The following GOLGA3 variants were observed in gnomAD, a reference collection of about 807,000 sequenced individuals.
GOLGA3 encodes golgin subfamily A member 3.
GOLGA3 carries 75 observed loss-of-function variants against 169.4 expected under a neutral mutation model. That is an observed-to-expected ratio of 0.44 (90% CI 0.37 to 0.54). The LOEUF is 0.54. GOLGA3 is among the 20% of genes least tolerant of loss of function. GOLGA3 has a pLI of 0.00. For missense variants in GOLGA3, 1,899 were observed against 1,930.0 expected (o/e 0.98, Z 0.30); for synonymous variants, 824 against 822.4 (o/e 1.00, Z -0.03).
At chr12:132,786,663 C>T (rs565522313) in intron 14 of GOLGA3, 30 bp downstream of exon 14, 9 of 1,532,862 alleles carry the variant, frequency 5.9e-6, no homozygotes, top group East Asian at 2.3e-5. Context: ...ACCTGGCCCC[C>T]GCACCTCCCC....
chr12:132,788,963 C>CACACAGGCCCCAA, intron 13 of GOLGA3, 64 bp downstream of exon 13: 1 of 1,461,166 alleles, frequency 6.8e-7, no homozygotes, highest in Non-Finnish European at 9.2e-7. Context: ...ACAGGCCCCA[C>CACACAGGCCCCAA]CCTCCCGACA....
chr12:132,818,123 C>T (rs1388181759), intron 2 of GOLGA3, among the ~76,000 whole-genome samples: 5 of 148,644 alleles, frequency 3.4e-5, no homozygotes, highest in Non-Finnish European at 7.5e-5. Flanking sequence ...CTCCTCCATG[C>T]TCTAAGGTGA....
intron 9 of GOLGA3, 68 bp from the exon 10 acceptor site, chr12:132,796,768 G>A (rs1032410522): frequency 2.9e-5 from 43 of 1,475,174 alleles, no homozygotes; most frequent in South Asian, 1.1e-4. Context: ...CGGTGGCCCC[G>A]TGCTCTGCAG....
At chr12:132,812,635 G>A (rs1178661075) in intron 4 of GOLGA3, among the ~76,000 whole-genome samples, 1 of 152,216 alleles carries the variant, frequency 6.6e-6, no homozygotes, top group Non-Finnish European at 1.5e-5. Flanking sequence ...TGCAGATGTG[G>A]TGGAAACAGC....
At chr12:132,786,647 CCTCCCACCTGGCCCCCGCA>C in intron 14 of GOLGA3, 27 bp downstream of exon 14, 1 of 1,390,188 alleles carries the variant, frequency 7.2e-7, no homozygotes, top group Non-Finnish European at 1.0e-6. Context: ...GGCCCCCGCA[CCTCCCACCTGGCCCCCGCA>C]CCTCCCCCGG....
chr12:132,781,712 GCC>G (rs2045616817), intron 17 of GOLGA3, among the ~76,000 whole-genome samples: 1 of 152,110 alleles, frequency 6.6e-6, no homozygotes, highest in South Asian at 2.1e-4. Flanking sequence ...GCTCGATTTG[GCC>G]CCCAGGATTT....
At chr12:132,811,173 T>C (rs1318584601) in intron 4 of GOLGA3, among the ~76,000 whole-genome samples, 1 of 152,138 alleles carries the variant, frequency 6.6e-6, no homozygotes, top group African/African-American at 2.4e-5. Flanking sequence ...TCGGGGCCAC[T>C]ACCTGTCTCC....
At position 132,772,561 on chromosome 12, in the gene GOLGA3, A is replaced by AAAAC. The variant is rs1555247716; in HGVS notation, c.*543_*544insGTTT. On this transcript the variant is annotated 3_prime_UTR_variant, in exon 24 of 24. Coordinates refer to ENST00000450791, the MANE Select transcript of GOLGA3 (RefSeq NM_001389683.1). The stretch of plus-strand genomic sequence containing the variant: ...TCTGTCTCAAAAAAAAAAAAAAAAA[A>AAAAC]AAAACAAAGATTGGATTATGATATT... The AAAAC allele has an allele frequency of 6.6e-5, 10 of 152,124 alleles. No homozygotes were observed. The highest frequency in any genetic ancestry group is 3.3e-4 in the Admixed American group (5 of 15,244). The allele number at this position is 152,124 out of a possible 1,614,324, so 9.4% of individuals were successfully genotyped here. A position where few individuals can be genotyped will look rare whatever the true frequency, so the allele number is the denominator to read the frequency against.
At chr12:132,819,699 G>A (rs1306719470) in intron 2 of GOLGA3, among the ~76,000 whole-genome samples, 4 of 152,086 alleles carry the variant, frequency 2.6e-5, no homozygotes, top group East Asian at 3.9e-4. Flanking sequence ...CAAAGGACCC[G>A]TGAGCTCCAC....
rs1342452592 is a variant in GOLGA3, at chr12:132,807,284, A to G, written c.1183T>C (p.Ser395Pro). The change falls in exon 6 of 24, where the codon TCC (serine) becomes CCC (proline). Residue 395 changes from serine (S) to proline (P), a missense_variant. Physicochemically the swap from Ser to Pro is moderately conservative, Grantham distance 74. Coordinates refer to ENST00000450791, the MANE Select transcript of GOLGA3 (RefSeq NM_001389683.1). ...SRRDSICSSV[S>P]LESSAAETQE... ...GTTTCTGCTGCAGAGCTCTCCAAGG[A>G]CACGCTGGGGACAAAGGCACGGGTC... The G allele has an allele frequency of 4.5e-6, 7 of 1,553,510 alleles. No homozygotes were observed. Among genetic ancestry groups the G allele is most frequent in the Non-Finnish European group, 6.1e-6 (7 of 1,144,210 alleles).
At chr12:132,774,640 G>A (rs1213863387) in intron 22 of GOLGA3, 4 of 423,222 alleles carry the variant, frequency 9.5e-6, no homozygotes, top group Non-Finnish European at 1.3e-5. Context: ...TCAAGACCTT[G>A]ATGTGGAATT....
At chr12:132,773,730 A>G (rs1254356520) in intron 23 of GOLGA3, among the ~76,000 whole-genome samples, 1 of 151,086 alleles carries the variant, frequency 6.6e-6, no homozygotes, top group Non-Finnish European at 1.5e-5. Context: ...CCCCACCTTT[A>G]TATAAACCTC....
Position 132,769,611 on chromosome 12 carries a change from CGTT to C in GOLGA3, c.*3491_*3493del, listed in dbSNP as rs2136214581. On this transcript the variant is annotated 3_prime_UTR_variant, in exon 24 of 24. Transcript: ENST00000450791. ...GGAAAAACACATGAAAACCAAGTTACGTTGTTTTTGGAACATCAGAAAAACAAG... is the reference window on the plus strand; with the variant it reads ...GGAAAAACACATGAAAACCAAGTTACGTTTTTGGAACATCAGAAAAACAAG... The C allele has an allele frequency of 6.6e-6, 1 of 152,332 alleles. No homozygotes were observed. The highest frequency in any genetic ancestry group is 1.9e-4 in the East Asian group (1 of 5,184). The allele number at this position is 152,332 out of a possible 1,614,324, so 9.4% of individuals were successfully genotyped here.
At chr12:132,795,151 C>T (rs972154819) in intron 11 of GOLGA3, among the ~76,000 whole-genome samples, 10 of 148,618 alleles carry the variant, frequency 6.7e-5, no homozygotes, top group African/African-American at 2.5e-4. Flanking sequence ...CACCGCACTA[C>T]ACTCCAGCCT....
rs1949522339 is a variant in GOLGA3, at chr12:132,808,267, A to G, written c.802T>C (p.Ser268Pro). The change falls in exon 5 of 24, where the codon TCT becomes CCT. Residue 268 changes from serine to proline, a missense_variant. Ser to Pro is a moderately conservative substitution (Grantham distance 74). Coordinates refer to ENST00000450791, the MANE Select transcript of GOLGA3 (RefSeq NM_001389683.1). ...NSGGNVPAPD[S>P]TKGSLKQNRS... ...TTCTGCTTCAGGGAACCCTTGGTAG[A>G]ATCGGGAGCCGGGACATTTCCCCCA... is the stretch of plus-strand genomic sequence containing the variant. 1 of 1,613,978 alleles carries G rather than the reference A, an allele frequency of 6.2e-7. No homozygotes were observed. Among genetic ancestry groups the G allele is most frequent in the South Asian group, 1.1e-5 (1 of 91,082 alleles).
chr12:132,796,467 CCTT>C (rs1566102956), intron 10 of GOLGA3, 69 bp downstream of exon 10: 14 of 1,498,874 alleles, frequency 9.3e-6, no homozygotes, highest in Non-Finnish European at 1.3e-5. Flanking sequence ...TGCTCGGTCT[CCTT>C]GTGTGCAGTC....
intron 14 of GOLGA3, 62 bp from the exon 15 acceptor site, chr12:132,786,617 T>C (rs1263772478): frequency 8.2e-6 from 13 of 1,591,258 alleles, no homozygotes; most frequent in Non-Finnish European, 1.1e-5. Context: ...CCGTCTGGCA[T>C]TCTGGTTCGC....
At chr12:132,803,807 C>G (rs1949249616) in intron 7 of GOLGA3, among the ~76,000 whole-genome samples, 1 of 152,148 alleles carries the variant, frequency 6.6e-6, no homozygotes, top group Admixed American at 6.5e-5. Context: ...GCGGCTGCAC[C>G]AGGGACCCCT....
At chr12:132,818,120 ATGCTCTAAGGTGAACCCACCCTCCACT>A (rs1950068552) in intron 2 of GOLGA3, among the ~76,000 whole-genome samples, 1 of 137,558 alleles carries the variant, frequency 7.3e-6, no homozygotes, top group Non-Finnish European at 1.5e-5. Flanking sequence ...CCACTCCTCC[ATGCTCTAAGGTGAACCCACCCTCCACT>A]CCTCCATGCT....
Sources: allele counts gnomAD v4.1 joint callset (sites outside exome capture counted in the v4.1 genomes callset), GRCh38; gene constraint gnomAD v4.1.1; transcripts MANE v1.5; gene names NCBI Gene and HGNC (gene_info 2026-07-23, HGNC 2026-07-21).